The following MARS2 variants were observed in gnomAD, a reference collection of about 807,000 sequenced individuals.
The protein encoded by MARS2 is methionyl-tRNA synthetase 2, mitochondrial, also known as methionine--tRNA ligase, mitochondrial.
MARS2 carries 33 observed loss-of-function variants against 43.8 expected under a neutral mutation model. The observed-to-expected ratio is 0.75, with a 90% CI of 0.57 to 1.01. The LOEUF is 1.01. MARS2 is among the 50% of genes least tolerant of loss of function. The pLI is 0.00. For synonymous variants in MARS2, 351 were observed against 325.5 expected (o/e 1.08, Z -0.84); for missense variants, 720 against 763.0 (o/e 0.94, Z 0.66).
At position 197,707,313 on chromosome 2, in the gene MARS2, T is replaced by C; in HGVS notation, c.*126T>C. 4.5e-6 allele frequency: 4 copies of C among 889,406 alleles called. No homozygotes were observed. The highest frequency in any genetic ancestry group is 6.8e-6 in the Non-Finnish European group (4 of 587,444). 55.1% of individuals were successfully genotyped at this position (889,406 alleles called of 1,614,324 possible). On this transcript the variant is annotated 3_prime_UTR_variant, in exon 1 of 1. Transcript: ENST00000282276. ...CAAATGAGCACATAAGCTGTGTCCCTGTGAAAAGAGGTTTGTAGCCTTTCA... is the reference window on the plus strand; with the variant it reads ...CAAATGAGCACATAAGCTGTGTCCCCGTGAAAAGAGGTTTGTAGCCTTTCA...
At position 197,705,992 on chromosome 2, in the gene MARS2, C is replaced by G; in HGVS notation, c.587C>G (p.Ser196Cys). 1 of 1,614,222 alleles carries G rather than the reference C, an allele frequency of 6.2e-7. No individual in the cohort carries two copies. The highest frequency in any genetic ancestry group is 1.1e-5 in the South Asian group (1 of 91,088). ...PGPSGDSFPV[S>C]LESGHPVSWT... Reference sequence around the variant, plus strand: ...CCATCGGGGGATTCGTTTCCTGTATCTCTCGAGAGCGGGCATCCAGTCTCC... The same window carrying G: ...CCATCGGGGGATTCGTTTCCTGTATGTCTCGAGAGCGGGCATCCAGTCTCC... The change falls in exon 1 of 1, where the codon TCT (serine) becomes TGT (cysteine). Residue 196 changes from serine (S) to cysteine (C), a missense_variant. Ser to Cys is a moderately radical substitution (Grantham distance 112). Transcript: ENST00000282276.
chr2:197,705,942 G>GGTCACCCAGTGCTGGT lies in MARS2; in HGVS notation c.538_539insTCACCCAGTGCTGGTG (p.Ala180ValfsTer86), dbSNP rs1559379264. 2 of 1,614,038 alleles carry GGTCACCCAGTGCTGGT rather than the reference G, an allele frequency of 1.2e-6. No individual in the cohort carries two copies. The highest frequency in any genetic ancestry group is 1.7e-6 in the Non-Finnish European group (2 of 1,179,974). On this transcript the variant is annotated frameshift_variant, in exon 1 of 1. Transcript: ENST00000282276. LOFTEE classifies it high-confidence loss of function. ...CTTCCGACGAGTGCTTCCTGCCTGA[G>GGTCACCCAGTGCTGGT]GCCAAGGTCACCCAGCAGCCGGGCC...
At position 197,707,316 on chromosome 2, in the gene MARS2, GA is replaced by G; in HGVS notation, c.*133del. 1 of 865,224 alleles carries G rather than the reference GA, an allele frequency of 1.2e-6. No homozygotes were observed. The highest frequency in any genetic ancestry group is 1.8e-6 in the Non-Finnish European group (1 of 565,886). 53.6% of individuals were successfully genotyped at this position (865,224 alleles called of 1,614,324 possible). A position where few individuals can be genotyped will look rare whatever the true frequency, so the allele number is the denominator to read the frequency against. ...ATGAGCACATAAGCTGTGTCCCTGTGAAAAGAGGTTTGTAGCCTTTCAGGTG... is the reference window on the plus strand; with the variant it reads ...ATGAGCACATAAGCTGTGTCCCTGTGAAAGAGGTTTGTAGCCTTTCAGGTG... On this transcript the variant is annotated 3_prime_UTR_variant, in exon 1 of 1. Transcript: ENST00000282276.
chr2:197,706,588 C>G lies in MARS2; in HGVS notation c.1183C>G (p.Leu395Val), dbSNP rs1000464224. Residue 395 changes from leucine (L) to valine (V), a missense_variant, in exon 1 of 1, where the codon CTG (leucine) becomes GTG (valine). Coordinates refer to ENST00000282276, the MANE Select transcript of MARS2 (RefSeq NM_138395.4). ...DYYDEKVVKL[L>V]NSELADALGG... ...CTATGATGAAAAGGTGGTTAAGTTG[C>G]TGAACTCCGAGCTGGCAGATGCCTT... 6.2e-7 allele frequency: 1 copy of G among 1,614,268 alleles called. No individual in the cohort carries two copies. The highest frequency in any genetic ancestry group is 8.5e-7 in the Non-Finnish European group (1 of 1,180,052).
Position 197,707,200 on chromosome 2 carries a change from T to TA in MARS2, c.*14dup. ...CCACCGGACCTAGAAACTCAGTTCT[T>TA]ACCGGCTTGTGGTAAAAAAGCAAAT... On this transcript the variant is annotated 3_prime_UTR_variant, in exon 1 of 1. Coordinates refer to ENST00000282276, the MANE Select transcript of MARS2 (RefSeq NM_138395.4). 2 of 1,582,728 alleles carry TA rather than the reference T, an allele frequency of 1.3e-6. No homozygotes were observed. The highest frequency in any genetic ancestry group is 1.7e-6 in the Non-Finnish European group (2 of 1,167,562).
At position 197,706,295 on chromosome 2, in the gene MARS2, T is replaced by A; in HGVS notation, c.890T>A (p.Phe297Tyr). ...LTVIGYPNAE[F>Y]KSWWPATSHI... ...GTAATTGGCTACCCAAATGCTGAGT[T>A]CAAATCTTGGTGGCCGGCCACCTCT... Residue 297 changes from phenylalanine to tyrosine, a missense_variant, in exon 1 of 1, where the codon TTC becomes TAC. Phe to Tyr is a conservative substitution (Grantham distance 22). Transcript: ENST00000282276. 6.2e-7 allele frequency: 1 copy of A among 1,614,184 alleles called. No homozygotes were observed. The highest frequency in any genetic ancestry group is 8.5e-7 in the Non-Finnish European group (1 of 1,180,034).
Position 197,705,754 on chromosome 2 carries a change from GTC to G in MARS2, c.353_354del (p.Ser118Ter). 2 of 1,612,886 alleles carry G rather than the reference GTC, an allele frequency of 1.2e-6. No individual in the cohort carries two copies. The highest frequency in any genetic ancestry group is 2.2e-5 in the South Asian group (2 of 91,086). ...GGCCCCGACCGAGCTGTGCGACCGAGTCTCTGAGCAGTTCCAGCAGCTTTTCC... is the reference window on the plus strand; with the variant it reads ...GGCCCCGACCGAGCTGTGCGACCGAGTCTGAGCAGTTCCAGCAGCTTTTCC... ...GLAPTELCDR[V>X]SEQFQQLFQE... On this transcript the variant is annotated frameshift_variant, in exon 1 of 1. Transcript: ENST00000282276. LOFTEE classifies it high-confidence loss of function.
rs935130140 is a variant in MARS2, at chr2:197,705,812, T to G, written c.407T>G (p.Ile136Ser). ...QEAGISCTDFIRTTEARHRVA... is the reference protein window; with the variant it reads ...QEAGISCTDFSRTTEARHRVA... The stretch of plus-strand genomic sequence containing the variant: ...GCCGGTATCTCCTGCACAGATTTCA[T>G]CCGCACCACGGAGGCCCGGCACCGG... Residue 136 changes from isoleucine to serine, a missense_variant, in exon 1 of 1, where the codon ATC becomes AGC. Coordinates refer to ENST00000282276, the MANE Select transcript of MARS2 (RefSeq NM_138395.4). 2 of 1,613,652 alleles carry G rather than the reference T, an allele frequency of 1.2e-6. No individual in the cohort carries two copies. Among genetic ancestry groups the G allele is most frequent in the African/African-American group, 2.7e-5 (2 of 74,950 alleles).
Position 197,707,567 on chromosome 2 carries a change from G to C in MARS2, c.*380G>C. ...GCTAATTAGTGACTCCTTTCTTTGA[G>C]GGTCAGGGTTGGAGGCCCCTTACTG... On this transcript the variant is annotated 3_prime_UTR_variant, in exon 1 of 1. Transcript: ENST00000282276. 4.7e-6 allele frequency: 1 copy of C among 211,032 alleles called. No homozygotes were observed. Among genetic ancestry groups the C allele is most frequent in the Non-Finnish European group, 1.1e-5 (1 of 94,726 alleles). 13.1% of individuals were successfully genotyped at this position (211,032 alleles called of 1,614,324 possible). A position where few individuals can be genotyped will look rare whatever the true frequency, so the allele number is the denominator to read the frequency against.
rs2106293951 is a variant in MARS2 at position 197,708,362 on chromosome 2, A to C, written c.*1175A>C. On this transcript the variant is annotated 3_prime_UTR_variant, in exon 1 of 1. Coordinates refer to ENST00000282276, the MANE Select transcript of MARS2 (RefSeq NM_138395.4). Reference sequence around the variant, plus strand: ...TTATTTCTTTTGCTCTTTTAACTTAAGTTATTAAAGTTTAAAAGTTCGTAA... The same window carrying C: ...TTATTTCTTTTGCTCTTTTAACTTACGTTATTAAAGTTTAAAAGTTCGTAA... 6.0e-6 allele frequency: 1 copy of C among 166,848 alleles called. No homozygotes were observed. Among genetic ancestry groups the C allele is most frequent in the African/African-American group, 2.4e-5 (1 of 41,576 alleles). 10.3% of individuals were successfully genotyped at this position (166,848 alleles called of 1,614,324 possible).
Position 197,705,377 on chromosome 2 carries a change from G to C in MARS2, c.-29G>C, listed in dbSNP as rs1029902577. 3.9e-6 allele frequency: 6 copies of C among 1,552,198 alleles called. No homozygotes were observed. Among genetic ancestry groups the C allele is most frequent in the South Asian group, 1.2e-5 (1 of 84,374 alleles). ...CTCTCACACGTGCTGTCAGAACGCC[G>C]CCTCCTCCGCTTGCGGCCGGTCTGC... On this transcript the variant is annotated 5_prime_UTR_variant, in exon 1 of 1. Coordinates refer to ENST00000282276, the MANE Select transcript of MARS2 (RefSeq NM_138395.4).
Position 197,705,943 on chromosome 2 carries a change from G to T in MARS2, c.538G>T (p.Ala180Ser). ...TTCCGACGAGTGCTTCCTGCCTGAG[G>T]CCAAGGTCACCCAGCAGCCGGGCCC... ...CASDECFLPEAKVTQQPGPSG... is the reference protein window; with the variant it reads ...CASDECFLPESKVTQQPGPSG... The change falls in exon 1 of 1, where the codon GCC becomes TCC. Residue 180 changes from alanine (A) to serine (S), a missense_variant. Physicochemically the swap from Ala to Ser is moderately conservative, Grantham distance 99 (BLOSUM62 1). Coordinates refer to ENST00000282276, the MANE Select transcript of MARS2 (RefSeq NM_138395.4). 6.2e-7 allele frequency: 1 copy of T among 1,614,160 alleles called. No homozygotes were observed. Among genetic ancestry groups the T allele is most frequent in the Non-Finnish European group, 8.5e-7 (1 of 1,180,026 alleles).
Position 197,705,393 on chromosome 2 carries a change from G to T in MARS2, c.-13G>T, listed in dbSNP as rs748115440. 3.2e-6 allele frequency: 5 copies of T among 1,567,266 alleles called. No individual in the cohort carries two copies. Among genetic ancestry groups the T allele is most frequent in the South Asian group, 1.1e-5 (1 of 87,438 alleles). On this transcript the variant is annotated 5_prime_UTR_variant, in exon 1 of 1. Coordinates refer to ENST00000282276, the MANE Select transcript of MARS2 (RefSeq NM_138395.4). ...CAGAACGCCGCCTCCTCCGCTTGCG[G>T]CCGGTCTGCACCATGCTGCGAACGT...
Position 197,706,449 on chromosome 2 carries a change from G to A in MARS2, c.1044G>A (p.Met348Ile), listed in dbSNP as rs764234450. ...HSHWTVCGQK[M>I]SKSLGNVVDP... Reference sequence around the variant, plus strand: ...ACTGGACAGTCTGTGGCCAAAAGATGTCCAAGAGCTTGGGCAACGTGGTGG... The same window carrying A: ...ACTGGACAGTCTGTGGCCAAAAGATATCCAAGAGCTTGGGCAACGTGGTGG... Residue 348 changes from methionine (M) to isoleucine (I), a missense_variant, in exon 1 of 1, where the codon ATG becomes ATA. By Grantham distance (10) the Met-to-Ile change is conservative. Coordinates refer to ENST00000282276, the MANE Select transcript of MARS2 (RefSeq NM_138395.4). 9 of 1,613,886 alleles carry A rather than the reference G, an allele frequency of 5.6e-6. No individual in the cohort carries two copies. Among genetic ancestry groups the A allele is most frequent in the Non-Finnish European group, 5.9e-6 (7 of 1,180,056 alleles).
Position 197,707,140 on chromosome 2 carries a change from A to G in MARS2, c.1735A>G (p.Arg579Gly). ...ACCTGAAACTGGGCTTTTGTTTCCA[A>G]GACTAGACCAGTCCAGGACTTGGCT... ...LGPETGLLFPRLDQSRTWLVK... is the reference protein window; with the variant it reads ...LGPETGLLFPGLDQSRTWLVK... Residue 579 changes from arginine (R) to glycine (G), a missense_variant, in exon 1 of 1, where the codon AGA (arginine) becomes GGA (glycine). Physicochemically the swap from Arg to Gly is moderately radical, Grantham distance 125. Transcript: ENST00000282276. 1 of 1,614,160 alleles carries G rather than the reference A, an allele frequency of 6.2e-7. No individual in the cohort carries two copies. The highest frequency in any genetic ancestry group is 8.5e-7 in the Non-Finnish European group (1 of 1,180,030).
Position 197,706,902 on chromosome 2 carries a change from C to T in MARS2, c.1497C>T (p.Ser499=). The change falls in exon 1 of 1, where the codon AGC becomes AGT. Residue 499 remains serine, a synonymous_variant. Transcript: ENST00000282276. ...RHAPWKLNWE[S]PVDAPWLGTV... ...CACCATGGAAGCTGAACTGGGAGAGCCCAGTGGATGCTCCCTGGCTGGGTA... is the reference window on the plus strand; with the variant it reads ...CACCATGGAAGCTGAACTGGGAGAGTCCAGTGGATGCTCCCTGGCTGGGTA... 6.2e-7 allele frequency: 1 copy of T among 1,614,162 alleles called. No individual in the cohort carries two copies. Among genetic ancestry groups the T allele is most frequent in the East Asian group, 2.2e-5 (1 of 44,886 alleles).
At position 197,707,137 on chromosome 2, in the gene MARS2, C is replaced by T. The variant is rs2089483351; in HGVS notation, c.1732C>T (p.Pro578Ser). 6.2e-7 allele frequency: 1 copy of T among 1,614,140 alleles called. No homozygotes were observed. Among genetic ancestry groups the T allele is most frequent in the Non-Finnish European group, 8.5e-7 (1 of 1,180,030 alleles). ...RLGPETGLLFPRLDQSRTWLV... is the reference protein window; with the variant it reads ...RLGPETGLLFSRLDQSRTWLV... Reference sequence around the variant, plus strand: ...GGGACCTGAAACTGGGCTTTTGTTTCCAAGACTAGACCAGTCCAGGACTTG... The same window carrying T: ...GGGACCTGAAACTGGGCTTTTGTTTTCAAGACTAGACCAGTCCAGGACTTG... The change falls in exon 1 of 1, where the codon CCA becomes TCA. Residue 578 changes from proline to serine, a missense_variant. By Grantham distance (74) the Pro-to-Ser change is moderately conservative. Coordinates refer to ENST00000282276, the MANE Select transcript of MARS2 (RefSeq NM_138395.4).
Position 197,706,840 on chromosome 2 carries a change from T to C in MARS2, c.1435T>C (p.Cys479Arg). Residue 479 changes from cysteine (C) to arginine (R), a missense_variant, in exon 1 of 1, where the codon TGT becomes CGT. Transcript: ENST00000282276. ...IYKALEAVSS[C>R]VRQTNGFVQR... ...TAAGGCTCTGGAGGCCGTGTCCAGC[T>C]GTGTCCGGCAAACTAATGGTTTTGT... is the stretch of plus-strand genomic sequence containing the variant. The C allele has an allele frequency of 6.2e-7, 1 of 1,614,204 alleles. No homozygotes were observed.
rs1425136378 is a variant in MARS2 at position 197,706,310 on chromosome 2, C to T, written c.905C>T (p.Pro302Leu). 6 of 1,614,108 alleles carry T rather than the reference C, an allele frequency of 3.7e-6. No homozygotes were observed. The highest frequency in any genetic ancestry group is 2.7e-5 in the African/African-American group (2 of 74,938). ...AATGCTGAGTTCAAATCTTGGTGGCCGGCCACCTCTCATATCATAGGTAAG... is the reference window on the plus strand; with the variant it reads ...AATGCTGAGTTCAAATCTTGGTGGCTGGCCACCTCTCATATCATAGGTAAG... ...YPNAEFKSWW[P>L]ATSHIIGKDI... The change falls in exon 1 of 1, where the codon CCG (proline) becomes CTG (leucine). Residue 302 changes from proline (P) to leucine (L), a missense_variant. By Grantham distance (98) the Pro-to-Leu change is moderately conservative. Transcript: ENST00000282276.
Sources: allele counts gnomAD v4.1 joint callset, GRCh38; gene constraint gnomAD v4.1.1; transcripts MANE v1.5; gene names NCBI Gene and HGNC (gene_info 2026-07-23, HGNC 2026-07-21).